Variants in ZNF385D observed in about 807,000 individuals in gnomAD.
The protein encoded by ZNF385D is zinc finger protein 385D.
In ZNF385D, 15 loss-of-function variants were observed where a neutral mutation model predicts 35.8. The observed-to-expected ratio is 0.42, with a 90% CI of 0.28 to 0.64. The LOEUF (loss-of-function observed/expected upper bound fraction) is 0.64. Among genes scored for constraint, ZNF385D ranks in the 30% least tolerant of loss-of-function variants. ZNF385D has a pLI of 0.23. For missense variants in ZNF385D, 474 were observed against 494.6 expected (o/e 0.96, Z 0.39); for synonymous variants, 212 against 186.8 (o/e 1.13, Z -1.10).
chr3:22,259,275 G>A (rs1202813014), intron 2 of ZNF385D, among the ~76,000 whole-genome samples: 1 of 151,656 alleles, frequency 6.6e-6, no homozygotes, highest in African/African-American at 2.4e-5. Flanking sequence ...TAAGAATTGG[G>A]GAGTTGTTTA....
At chr3:22,011,585 G>T (rs1248657685) in intron 3 of ZNF385D, among the ~76,000 whole-genome samples, 1 of 151,994 alleles carries the variant, frequency 6.6e-6, no homozygotes, top group African/African-American at 2.4e-5. Flanking sequence ...TAAGGTTGTG[G>T]ATTATCTGAA....
Position 21,421,320 on chromosome 3 carries a change from GGA to G in ZNF385D, c.1080_1081del (p.Pro361SerfsTer39). The G allele has an allele frequency of 6.2e-7, 1 of 1,613,946 alleles. No homozygotes were observed. Among genetic ancestry groups the G allele is most frequent in the Non-Finnish European group, 8.5e-7 (1 of 1,179,894 alleles). Reference sequence around the variant, plus strand: ...GGAAGTCTGGAACAGTGTTGCTGCTGGAGCAGTTCGAAGACTGAAGGGGGAAC... The same window carrying G: ...GGAAGTCTGGAACAGTGTTGCTGCTGGCAGTTCGAAGACTGAAGGGGGAAC... On this transcript the variant is annotated frameshift_variant, in exon 8 of 8. Transcript: ENST00000281523. LOFTEE classifies it high-confidence loss of function.
chr3:21,474,142 C>A (rs1196689204), intron 4 of ZNF385D, among the ~76,000 whole-genome samples: 7 of 151,698 alleles, frequency 4.6e-5, no homozygotes, highest in Non-Finnish European at 2.9e-5. Context: ...ATTGATGTTG[C>A]TTTGAGGCAT....
intron 4 of ZNF385D, among the ~76,000 whole-genome samples, chr3:21,437,705 A>AAAAAAAAAAAC (rs1701634971): frequency 6.9e-6 from 1 of 144,302 alleles, no homozygotes; most frequent in East Asian, 2.0e-4. Context: ...CTTATACAAA[A>AAAAAAAAAAAC]AAAAAAAAAA....
chr3:21,555,473 C>T (rs538919674), intron 3 of ZNF385D, among the ~76,000 whole-genome samples: 7 of 152,198 alleles, frequency 4.6e-5, no homozygotes, highest in Admixed American at 3.9e-4. Context: ...GTGTGGTTTT[C>T]TGTTCTTCTG....
At chr3:21,545,535 C>T (rs1432529398) in intron 3 of ZNF385D, among the ~76,000 whole-genome samples, 1 of 152,184 alleles carries the variant, frequency 6.6e-6, no homozygotes, top group African/African-American at 2.4e-5. Flanking sequence ...GTTTGTTTCC[C>T]TCTGCCTGGC....
intron 3 of ZNF385D, among the ~76,000 whole-genome samples, chr3:21,962,277 GA>G (rs1362197608): frequency 6.6e-6 from 1 of 152,096 alleles, no homozygotes; most frequent in Non-Finnish European, 1.5e-5. Flanking sequence ...TAGGTGAGGG[GA>G]AAATGGTATG....
At chr3:21,944,241 G>A (rs1403199996) in intron 3 of ZNF385D, among the ~76,000 whole-genome samples, 2 of 152,114 alleles carry the variant, frequency 1.3e-5, no homozygotes, top group Admixed American at 1.3e-4. Flanking sequence ...GTCTCCTGTG[G>A]CAAGAAAACT....
chr3:21,513,564 G>C (rs1707365437), intron 3 of ZNF385D, among the ~76,000 whole-genome samples: 1 of 151,894 alleles, frequency 6.6e-6, no homozygotes. Flanking sequence ...AAGGTCCAAG[G>C]CGTTATAGAT....
At chr3:21,952,015 C>T (rs979711653) in intron 3 of ZNF385D, among the ~76,000 whole-genome samples, 1 of 151,556 alleles carries the variant, frequency 6.6e-6, no homozygotes, top group Non-Finnish European at 1.5e-5. Context: ...ACCTAACTGA[C>T]CCCCTGAACT....
chr3:21,878,802 G>A (rs1575824493), intron 3 of ZNF385D, among the ~76,000 whole-genome samples: 1 of 152,076 alleles, frequency 6.6e-6, no homozygotes, highest in African/African-American at 2.4e-5. Context: ...ATAGCATTTT[G>A]TTACTAAGAT....
chr3:21,934,030 T>TA (rs894775318), intron 3 of ZNF385D, among the ~76,000 whole-genome samples: 22 of 150,498 alleles, frequency 1.5e-4, no homozygotes, highest in East Asian at 1.2e-3. Context: ...TAACTTTGGC[T>TA]AAAAAAAAAG....
intron 3 of ZNF385D, among the ~76,000 whole-genome samples, chr3:21,864,447 G>A (rs1488222920): frequency 6.6e-6 from 1 of 152,050 alleles, no homozygotes; most frequent in African/African-American, 2.4e-5. Context: ...TTCTAGCAGT[G>A]TAACTGGAAA....
chr3:21,826,915 G>A (rs781672035), intron 3 of ZNF385D, among the ~76,000 whole-genome samples: 1 of 152,008 alleles, frequency 6.6e-6, no homozygotes, highest in Non-Finnish European at 1.5e-5. Flanking sequence ...TGAAGAGTAT[G>A]GACTTCAAGG....
chr3:22,138,562 G>A (rs1001448887), intron 3 of ZNF385D, among the ~76,000 whole-genome samples: 9 of 151,336 alleles, frequency 5.9e-5, no homozygotes, highest in Middle Eastern at 3.4e-3. Flanking sequence ...AACAAGAAAT[G>A]GGGAAAGGAT....
At chr3:22,345,934 G>A (rs1232680197) in intron 2 of ZNF385D, among the ~76,000 whole-genome samples, 3 of 152,132 alleles carry the variant, frequency 2.0e-5, no homozygotes, top group African/African-American at 7.2e-5. Flanking sequence ...CCATGGCTTC[G>A]CTGAAAGCTG....
At chr3:22,067,534 A>T (rs1407332202) in intron 3 of ZNF385D, among the ~76,000 whole-genome samples, 4 of 152,226 alleles carry the variant, frequency 2.6e-5, no homozygotes, top group Non-Finnish European at 5.9e-5. Flanking sequence ...ACAAAACAGA[A>T]GTGTATATCC....
chr3:21,892,639 T>C (rs114504725), intron 3 of ZNF385D, among the ~76,000 whole-genome samples: 3 of 152,160 alleles, frequency 2.0e-5, no homozygotes, highest in Non-Finnish European at 4.4e-5. Flanking sequence ...GAGCTAAACA[T>C]AGGTCTTTAA....
intron 2 of ZNF385D, among the ~76,000 whole-genome samples, chr3:22,226,708 C>T (rs1698578154): frequency 6.6e-6 from 1 of 152,080 alleles, no homozygotes; most frequent in Admixed American, 6.6e-5. Flanking sequence ...TTTATAGCAT[C>T]CTCTCCAGGT....
Sources: gnomAD v4.1 joint callset for allele counts (sites outside exome capture counted in the v4.1 genomes callset) on GRCh38, gnomAD v4.1.1 for gene constraint, MANE v1.5 for transcripts, NCBI Gene and HGNC (gene_info 2026-07-23, HGNC 2026-07-21) for gene names.